Variants in RUNX1T1 observed in about 807,000 individuals in gnomAD.
The protein encoded by RUNX1T1 is RUNX1 partner transcriptional co-repressor 1.
Under a neutral mutation model 62.8 loss-of-function variants are expected in RUNX1T1, and 4 were observed. The observed-to-expected ratio is 0.06, with a 90% confidence interval of 0.03 to 0.15. The LOEUF is 0.15. Among genes scored for constraint, RUNX1T1 ranks in the 10% least tolerant of loss-of-function variants. RUNX1T1 has a pLI of 1.00. For missense variants in RUNX1T1, 508 were observed against 754.3 expected (o/e 0.67, Z 3.82); for synonymous variants, 291 against 286.0 (o/e 1.02, Z -0.18).
At chr8:91,984,677 G>C (rs1052675408) in intron 8 of RUNX1T1, among the ~76,000 whole-genome samples, 6 of 151,972 alleles carry the variant, frequency 3.9e-5, no homozygotes, top group African/African-American at 1.5e-4. Context: ...TAGACTGGAC[G>C]GTTATAAATA....
intron 1 of RUNX1T1, among the ~76,000 whole-genome samples, chr8:92,037,770 C>T (rs1827695069): frequency 6.6e-6 from 1 of 152,058 alleles, no homozygotes; most frequent in South Asian, 2.1e-4. Flanking sequence ...TTTCAGGAAC[C>T]AAGGAAAGAC....
upstream of RUNX1T1, among the ~76,000 whole-genome samples, chr8:92,102,176 G>A (rs1434454059): frequency 1.3e-5 from 2 of 152,134 alleles, no homozygotes; most frequent in African/African-American, 2.4e-5. The surrounding 1 kb of genome is among the most constrained non-coding windows in gnomAD (Gnocchi z 4.5). Flanking sequence ...TGCGAAGCCC[G>A]GGACCAGCCT....
chr8:92,057,566 G>A (rs563463300), intron 1 of RUNX1T1, among the ~76,000 whole-genome samples: 4 of 152,256 alleles, frequency 2.6e-5, no homozygotes, highest in Admixed American at 6.5e-5. Context: ...GATTTATTCC[G>A]TTCAGAGACA....
upstream of RUNX1T1, among the ~76,000 whole-genome samples, chr8:92,099,973 C>G (rs2130952572): frequency 6.6e-6 from 1 of 152,236 alleles, no homozygotes; most frequent in East Asian, 1.9e-4. Flanking sequence ...AATATTTAGA[C>G]TAACACCTCA....
At chr8:92,013,407 T>C (rs1822362156) in intron 3 of RUNX1T1, among the ~76,000 whole-genome samples, 1 of 152,214 alleles carries the variant, frequency 6.6e-6, no homozygotes, top group Admixed American at 6.5e-5. Flanking sequence ...ATGTGGGATA[T>C]AGTGATTTGA....
chr8:91,960,076 A>T, exon 11 of RUNX1T1: 1 of 684,674 alleles, frequency 1.5e-6, no homozygotes, highest in Non-Finnish European at 2.4e-6. Context: ...TCTGTGTTTT[A>T]CTACCACCTC....
At chr8:91,966,179 A>G (rs1366004536) in intron 10 of RUNX1T1, among the ~76,000 whole-genome samples, 2 of 149,538 alleles carry the variant, frequency 1.3e-5, no homozygotes, top group East Asian at 3.9e-4. Flanking sequence ...ATATATATAT[A>G]TGTAACATAG....
chr8:91,982,579 T>C (rs974344424), intron 8 of RUNX1T1, among the ~76,000 whole-genome samples: 9 of 152,238 alleles, frequency 5.9e-5, no homozygotes, highest in Non-Finnish European at 1.2e-4. Flanking sequence ...CTGATCACAT[T>C]ATCTTGCTCT....
At chr8:91,960,397 T>A in exon 11 of RUNX1T1, 1 of 1,614,062 alleles carries the variant, frequency 6.2e-7, no homozygotes, top group Non-Finnish European at 8.5e-7. Context: ...GCCTGCAGGG[T>A]CTGTCCACAG....
At chr8:91,994,255 A>G (rs1447062101) in intron 5 of RUNX1T1, among the ~76,000 whole-genome samples, 1 of 152,232 alleles carries the variant, frequency 6.6e-6, no homozygotes, top group African/African-American at 2.4e-5. Context: ...AATGTAGCTC[A>G]GACATTACCT....
chr8:92,060,278 T>C (rs1831699014), intron 1 of RUNX1T1, among the ~76,000 whole-genome samples: 1 of 151,978 alleles, frequency 6.6e-6, no homozygotes, highest in African/African-American at 2.4e-5. Context: ...ATATAGTTCA[T>C]TTTGAAACAA....
intron 1 of RUNX1T1, among the ~76,000 whole-genome samples, chr8:92,078,703 T>C (rs770232209): frequency 5.3e-5 from 8 of 152,206 alleles, no homozygotes; most frequent in African/African-American, 7.2e-5. Flanking sequence ...CTGCAACTAA[T>C]AGAAAATACA....
At position 92,024,497 on chromosome 8, in the gene RUNX1T1, C is replaced by CAAAAAAAAAAAAAAAAA. The variant is rs34547904; in HGVS notation, c.8-7151_8-7135dup. ...GGGGTAACAGAGTGAAACCCCAACT[C>CAAAAAAAAAAAAAAAAA]AAAAAAAAAAAAAAAAAAAAAAAAA... is the stretch of plus-strand genomic sequence containing the variant. On this transcript the variant is annotated intron_variant, in intron 1 of 10. Transcript: ENST00000396218. Among the ~76,000 whole-genome samples the CAAAAAAAAAAAAAAAAA allele has an allele frequency of 1.1e-4, 2 of 17,534 alleles. 1 individual carries two copies. The highest frequency in any genetic ancestry group is 3.6e-4 in the African/African-American group (2 of 5,610). The allele number at this position is 17,534 out of a possible 152,430, so 11.5% of individuals were successfully genotyped here.
At chr8:91,986,862 T>A in intron 7 of RUNX1T1, 25 bp downstream of exon 8, 1 of 1,459,476 alleles carries the variant, frequency 6.9e-7, no homozygotes, top group Non-Finnish European at 9.6e-7. Context: ...CATTTTTTAA[T>A]CCCAAATGAT....
At position 92,086,394 on chromosome 8, in the gene RUNX1T1, G is replaced by A. The variant is rs545029407; in HGVS notation, c.-85-10257C>T. On this transcript the variant is annotated intron_variant, in intron 1 of 11. Transcript: ENST00000265814. ...CTGACCACTTTGCATTCTCCTGCAC[G>A]GCCTGAGGGCACCTGCAAAAGAGAA... Among the ~76,000 whole-genome samples, 42 of 152,296 alleles carry A rather than the reference G, an allele frequency of 2.8e-4. No homozygotes were observed. The South Asian group carries it at 6.4e-3, about 23-fold the overall frequency.
chr8:92,059,107 T>A (rs1047073494), intron 1 of RUNX1T1, among the ~76,000 whole-genome samples: 2 of 152,150 alleles, frequency 1.3e-5, no homozygotes, highest in Non-Finnish European at 2.9e-5. Flanking sequence ...CTGTCTACAT[T>A]TCTGCTACAA....
At position 91,986,163 on chromosome 8, in the gene RUNX1T1, T is replaced by G. The variant is rs751788983; in HGVS notation, c.1159A>C (p.Arg387=). 6.8e-6 allele frequency: 11 copies of G among 1,614,156 alleles called. No individual in the cohort carries two copies. In the East Asian group the frequency reaches 2.5e-4, roughly 36 times the overall value. The change falls in exon 8 of 11, where the codon AGG becomes CGG. Residue 387 remains arginine, a synonymous_variant. Transcript: ENST00000396218. Reference sequence around the variant, plus strand: ...TCTGGGTTGACGGGACTCTGCTGCCTAGAGTGGCTGCTGCTACTGCCGCCA... The same window carrying G: ...TCTGGGTTGACGGGACTCTGCTGCCGAGAGTGGCTGCTGCTACTGCCGCCA...
rs1282423407 is a variant in RUNX1T1, at chr8:91,975,777, G to A, written c.1267+128C>T. ...GGTGTTTTGTTTAGTGGTTTTTTTT[G>A]TTTTGTTTTGTTTTTGCTGTTGTTG... On this transcript the variant is annotated intron_variant, in intron 9 of 10. Transcript: ENST00000396218. 2.7e-5 allele frequency: 17 copies of A among 622,742 alleles called. No homozygotes were observed. The East Asian group carries it at 4.3e-4, about 16-fold the overall frequency. The allele number at this position is 622,742 out of a possible 1,614,324, so 38.6% of individuals were successfully genotyped here. A position where few individuals can be genotyped will look rare whatever the true frequency, so the allele number is the denominator to read the frequency against.
At chr8:92,087,640 C>T (rs1428799124) in intron 1 of RUNX1T1, among the ~76,000 whole-genome samples, 1 of 152,134 alleles carries the variant, frequency 6.6e-6, no homozygotes, top group Non-Finnish European at 1.5e-5. Context: ...GAGCCGACTA[C>T]CTGCTTGTGT....
Sources: gnomAD v4.1 joint callset for allele counts (sites outside exome capture counted in the v4.1 genomes callset) on GRCh38, gnomAD v4.1.1 for gene constraint, Gnocchi (gnomAD v3.1) non-coding constraint, MANE v1.5 for transcripts, NCBI Gene and HGNC (gene_info 2026-07-23, HGNC 2026-07-21) for gene names.